The following TIAM1 variants were observed in gnomAD, a reference collection of about 807,000 sequenced individuals.
TIAM1 encodes TIAM Rac1 associated GEF 1.
Under a neutral mutation model 163.5 loss-of-function variants are expected in TIAM1, and 65 were observed. The ratio of observed to expected loss-of-function variants is 0.40; its 90% CI spans 0.33 to 0.49. The LOEUF (loss-of-function observed/expected upper bound fraction) is 0.49. TIAM1 is among the 20% of genes least tolerant of loss of function. The probability of loss-of-function intolerance (pLI) is 0.77; values close to 1 mark genes in which losing one functional copy is unlikely to be tolerated. For synonymous variants in TIAM1, 833 were observed against 810.1 expected (o/e 1.03, Z -0.48); for missense variants, 1,789 against 2,044.7 (o/e 0.87, Z 2.41).
chr21:31,486,737 T>C (rs1355007014), intron 1 of TIAM1, among the ~76,000 whole-genome samples: 1 of 152,194 alleles, frequency 6.6e-6, no homozygotes, highest in Non-Finnish European at 1.5e-5. Flanking sequence ...TAAAGCCTGG[T>C]GGTCTTTGAT....
intron 1 of TIAM1, among the ~76,000 whole-genome samples, chr21:31,488,488 C>T (rs928548820): frequency 3.3e-5 from 5 of 152,274 alleles, no homozygotes; most frequent in Admixed American, 1.3e-4. Flanking sequence ...TCTGCTCTCA[C>T]ACTGCTAATA....
chr21:31,281,831 G>A lies in TIAM1; in HGVS notation c.-188-4923C>T, dbSNP rs191439096. Among the ~76,000 whole-genome samples the A allele has an allele frequency of 5.0e-3, 756 of 152,188 alleles. 2 individuals are homozygous for A. Among genetic ancestry groups the A allele is most frequent in the African/African-American group, 0.017 (720 of 41,534 alleles). ...GGGTGGATGGATGGATAGAGTGATA[G>A]TGGATGGTGAATGGATAATTGATGG... On this transcript the variant is annotated intron_variant, in intron 2 of 27. Transcript: ENST00000541036.
intron 11 of TIAM1, 106 bp from the exon 12 acceptor site, chr21:31,203,118 T>C (rs959149239): frequency 2.3e-6 from 2 of 881,220 alleles, no homozygotes; most frequent in African/African-American, 1.7e-5. Context: ...ATAGAGTTTG[T>C]TGTTGTTGTT....
chr21:31,453,515 G>A (rs181603619), intron 2 of TIAM1, among the ~76,000 whole-genome samples: 6 of 151,986 alleles, frequency 3.9e-5, no homozygotes, highest in South Asian at 4.2e-4. Context: ...CCAACATGGC[G>A]AAACTCCATG....
chr21:31,200,371 A>G (rs1178661815), intron 12 of TIAM1, among the ~76,000 whole-genome samples: 1 of 152,238 alleles, frequency 6.6e-6, no homozygotes, highest in Admixed American at 6.5e-5. Context: ...TATATTTACA[A>G]ACCTTAAACT....
intron 2 of TIAM1, among the ~76,000 whole-genome samples, chr21:31,415,607 TTC>T (rs1244197805): frequency 6.6e-6 from 1 of 152,216 alleles, no homozygotes; most frequent in African/African-American, 2.4e-5. Flanking sequence ...GCCACAATTT[TTC>T]TCTCCTTTAC....
At position 31,152,693 on chromosome 21, in the gene TIAM1, T is replaced by C. The variant is rs1187844925; in HGVS notation, c.3309A>G (p.Glu1103=). The C allele has an allele frequency of 5.0e-6, 8 of 1,614,128 alleles. No homozygotes were observed. In the African/African-American group the frequency reaches 1.1e-4, roughly 22 times the overall value. ...AATCAGGTACCAGTCTCACTCCATC[T>C]TCTAGAGTTTTAAGGAATTCTACTT... is the stretch of plus-strand genomic sequence containing the variant. ...EFQVEFLKTL[E]DGVRLVPDLE... is the part of the protein sequence containing the mutation. Residue 1103 remains glutamate (E), a synonymous_variant, in exon 19 of 28, where the codon GAA becomes GAG. Transcript: ENST00000541036.
intron 2 of TIAM1, among the ~76,000 whole-genome samples, chr21:31,387,191 T>TTCTC (rs201256004): frequency 5.8e-5 from 7 of 120,992 alleles, no homozygotes; most frequent in African/African-American, 2.3e-4. Context: ...TAGAAGCTTA[T>TTCTC]TCTCTTTTTT....
At chr21:31,349,957 A>C (rs1407818325) in intron 2 of TIAM1, among the ~76,000 whole-genome samples, 1 of 152,250 alleles carries the variant, frequency 6.6e-6, no homozygotes, top group Non-Finnish European at 1.5e-5. Context: ...GCGAATGGGC[A>C]CTAAACATGT....
intron 2 of TIAM1, among the ~76,000 whole-genome samples, chr21:31,295,528 T>C (rs1269761376): frequency 1.4e-5 from 2 of 141,010 alleles, no homozygotes; most frequent in Non-Finnish European, 3.1e-5. Context: ...AATGAAGACA[T>C]GAGATGGGGA....
rs150541693 is a variant in TIAM1, at chr21:31,395,402, G to A, written c.-368-55980C>T. ...AGCAGTCCACTGGGGACACGGTGCC[G>A]CTGCAGCCATGTGACAATAAGGATG... On this transcript the variant is annotated intron_variant, in intron 2 of 28. Coordinates refer to the TIAM1 transcript ENST00000286827. This position sits in a 1 kb window ranked among gnomAD's most constrained non-coding sequence, Gnocchi z 7.5. Among the ~76,000 whole-genome samples, 9 of 152,262 alleles carry A rather than the reference G, an allele frequency of 5.9e-5. No homozygotes were observed. The South Asian group carries it at 6.2e-4, about 11-fold the overall frequency.
chr21:31,406,729 G>C lies in TIAM1; in HGVS notation c.-369+57254C>G, dbSNP rs374473744. Reference sequence around the variant, plus strand: ...TCAGCCCTGTAGGTAGAACTTACGAGTCACAAATAAAACTCCAACAAAGCA... The same window carrying C: ...TCAGCCCTGTAGGTAGAACTTACGACTCACAAATAAAACTCCAACAAAGCA... On this transcript the variant is annotated intron_variant, in intron 2 of 28. Coordinates refer to the TIAM1 transcript ENST00000286827. Among the ~76,000 whole-genome samples the C allele has an allele frequency of 1.3e-4, 20 of 152,226 alleles. 1 individual carries two copies. The East Asian group carries it at 3.9e-3, about 29-fold the overall frequency.
chr21:31,223,899 G>GTA (rs1221249515), intron 7 of TIAM1, among the ~76,000 whole-genome samples: 1 of 152,218 alleles, frequency 6.6e-6, no homozygotes, highest in Non-Finnish European at 1.5e-5. Flanking sequence ...AAGTAAAAAT[G>GTA]TAGAGATTTC....
At position 31,321,334 on chromosome 21, in the gene TIAM1, CTGTTTGTTTGTTTGTTTGTT is replaced by C. The variant is rs112634900; in HGVS notation, c.-189+17889_-189+17908del. ...AGAGTACGTTATTTCCCATGCTCTA[CTGTTTGTTTGTTTGTTTGTT>C]TGTTTGTTTGTTTTTGAGACGGAGT... On this transcript the variant is annotated intron_variant, in intron 2 of 27. Coordinates refer to ENST00000541036, the MANE Select transcript of TIAM1 (RefSeq NM_001353694.2). Among the ~76,000 whole-genome samples, 284 of 150,620 alleles carry C rather than the reference CTGTTTGTTTGTTTGTTTGTT, an allele frequency of 1.9e-3. 4 individuals are homozygous for C. Among genetic ancestry groups the C allele is most frequent in the East Asian group, 6.0e-4 (3 of 4,960 alleles).
At chr21:31,322,741 C>G (rs981674054) in intron 2 of TIAM1, among the ~76,000 whole-genome samples, 7 of 152,254 alleles carry the variant, frequency 4.6e-5, no homozygotes, top group African/African-American at 1.7e-4. Context: ...AGTCTGTCCA[C>G]TGAATTGAGT....
At chr21:31,487,856 C>CT (rs1228543292) in intron 1 of TIAM1, among the ~76,000 whole-genome samples, 3 of 152,060 alleles carry the variant, frequency 2.0e-5, no homozygotes, top group Admixed American at 6.6e-5. Context: ...CGCGCCCGGC[C>CT]TTTTTTTGTA....
intron 1 of TIAM1, among the ~76,000 whole-genome samples, chr21:31,513,058 C>T (rs1162724325): frequency 6.6e-6 from 1 of 152,160 alleles, no homozygotes; most frequent in Non-Finnish European, 1.5e-5. Flanking sequence ...CTGCTCTATG[C>T]TAAAAATTCA....
intron 2 of TIAM1, among the ~76,000 whole-genome samples, chr21:31,435,410 G>T (rs1338134637): frequency 6.6e-6 from 1 of 152,118 alleles, no homozygotes; most frequent in Admixed American, 6.5e-5. Flanking sequence ...TTGTAAACAA[G>T]ATTTTAATTA....
intron 2 of TIAM1, among the ~76,000 whole-genome samples, chr21:31,337,916 G>T (rs1371397466): frequency 6.6e-6 from 1 of 152,082 alleles, no homozygotes. Context: ...TTATCACAGG[G>T]AAAGTGAGTG....
Sources: gnomAD v4.1 joint callset for allele counts (sites outside exome capture counted in the v4.1 genomes callset) on GRCh38, gnomAD v4.1.1 for gene constraint, Gnocchi (gnomAD v3.1) non-coding constraint, MANE v1.5 for transcripts, NCBI Gene and HGNC (gene_info 2026-07-23, HGNC 2026-07-21) for gene names.